MPP7: variants seen among roughly 807,000 people sequenced by gnomAD.
The protein encoded by MPP7 is MAGUK p55 scaffold protein 7.
A neutral mutation model predicts 76.5 loss-of-function variants in MPP7; 60 were observed. That is an observed-to-expected ratio of 0.78 (90% CI 0.64 to 0.97). The LOEUF (loss-of-function observed/expected upper bound fraction) is 0.97. Among genes scored for constraint, MPP7 ranks in the 50% least tolerant of loss-of-function variants. The probability of loss-of-function intolerance (pLI) is 0.00; values close to 1 mark genes in which losing one functional copy is unlikely to be tolerated. For synonymous variants in MPP7, 237 were observed against 244.5 expected, an observed-to-expected ratio of 0.97 and a Z score of 0.29; for missense variants, 641 against 694.0, an observed-to-expected ratio of 0.92 and a Z score of 0.86.
At chr10:28,119,809 AGGTT>A in intron 10 of MPP7, 94 bp from the exon 11 acceptor site, 1 of 1,002,110 alleles carries the variant, frequency 1.0e-6, no homozygotes, top group Admixed American at 2.4e-5. Flanking sequence ...AAAAACTTAA[AGGTT>A]AGAGAAAAAA....
chr10:28,078,653 T>A (rs990978899), intron 12 of MPP7, among the ~76,000 whole-genome samples: 1 of 152,196 alleles, frequency 6.6e-6, no homozygotes, highest in Non-Finnish European at 1.5e-5. Context: ...TAAAACCATG[T>A]TGGAAAGGAA....
intron 4 of MPP7, among the ~76,000 whole-genome samples, chr10:28,148,748 A>G (rs1044577363): frequency 2.0e-5 from 3 of 152,160 alleles, no homozygotes; most frequent in Non-Finnish European, 4.4e-5. Context: ...ATTATAAGAT[A>G]CTATGGTTTA....
chr10:28,063,899 G>A (rs73606038), intron 13 of MPP7, among the ~76,000 whole-genome samples: 2,138 of 152,198 alleles, frequency 0.014, 63 homozygotes, highest in African/African-American at 0.048. Context: ...ATACCACTAC[G>A]TACTTACTAC....
intron 5 of MPP7, among the ~76,000 whole-genome samples, chr10:28,137,695 C>T (rs1323103794): frequency 2.6e-5 from 4 of 152,066 alleles, no homozygotes; most frequent in Non-Finnish European, 4.4e-5. Context: ...CCTGTTTTAA[C>T]TGAGGTGATT....
intron 5 of MPP7, among the ~76,000 whole-genome samples, chr10:28,141,994 C>T (rs1835535966): frequency 6.6e-6 from 1 of 151,690 alleles, no homozygotes; most frequent in Non-Finnish European, 1.5e-5. Context: ...AAACTAGAAC[C>T]ACATCTTATA....
rs532575633 is a variant in MPP7, at chr10:28,154,499, T to C, written c.157-4440A>G. Among the ~76,000 whole-genome samples, 99 of 152,282 alleles carry C rather than the reference T, an allele frequency of 6.5e-4. No individual in the cohort carries two copies. The Middle Eastern group carries it at 0.02, about 31-fold the overall frequency. On this transcript the variant is annotated intron_variant, in intron 3 of 16. Coordinates refer to ENST00000683449, the MANE Select transcript of MPP7 (RefSeq NM_001318170.2). Reference sequence around the variant, plus strand: ...TCTCTACACAGATGCATAATTCTTATAAGGAACATGTCTATAAAGTCTACA... The same window carrying C: ...TCTCTACACAGATGCATAATTCTTACAAGGAACATGTCTATAAAGTCTACA...
chr10:28,168,186 G>GATCA lies in MPP7; in HGVS notation c.157-18131_157-18128dup, dbSNP rs202172437. Among the ~76,000 whole-genome samples, 814 of 152,110 alleles carry GATCA rather than the reference G, an allele frequency of 5.4e-3. 7 individuals carry two copies. Among genetic ancestry groups the GATCA allele is most frequent in the African/African-American group, 0.018 (764 of 41,482 alleles). On this transcript the variant is annotated intron_variant, in intron 3 of 16. Transcript: ENST00000683449. ...GTAGGCGGAGGCTGCAGTGAACCTA[G>GATCA]ATCACACCACTGCACTCCAGCCTGG...
chr10:28,182,950 T>C (rs544056342), intron 3 of MPP7, among the ~76,000 whole-genome samples: 1 of 152,258 alleles, frequency 6.6e-6, no homozygotes, highest in South Asian at 2.1e-4. Context: ...TGATGGCGCA[T>C]GCCTATAATC....
chr10:28,185,817 C>T (rs1370524019), intron 3 of MPP7, among the ~76,000 whole-genome samples: 1 of 152,154 alleles, frequency 6.6e-6, no homozygotes, highest in Non-Finnish European at 1.5e-5. Context: ...GGCCTCCAAG[C>T]CAGCCCACAA....
chr10:28,158,957 G>C (rs994277313), intron 3 of MPP7, among the ~76,000 whole-genome samples: 1 of 152,064 alleles, frequency 6.6e-6, no homozygotes, highest in Non-Finnish European at 1.5e-5. Flanking sequence ...AAGGGTATTG[G>C]GGGAGTAGGG....
At chr10:28,145,507 T>C (rs1211289707) in intron 5 of MPP7, among the ~76,000 whole-genome samples, 3 of 152,186 alleles carry the variant, frequency 2.0e-5, no homozygotes, top group Non-Finnish European at 4.4e-5. Context: ...TATCCTGAAA[T>C]AGTCTAAAAT....
intron 11 of MPP7, among the ~76,000 whole-genome samples, chr10:28,099,059 G>T (rs1468569663): frequency 6.6e-6 from 1 of 152,078 alleles, no homozygotes; most frequent in Non-Finnish European, 1.5e-5. Flanking sequence ...ACCTATATTT[G>T]TAATTTTAAT....
At chr10:28,174,090 C>T (rs1173107260) in intron 3 of MPP7, among the ~76,000 whole-genome samples, 3 of 152,180 alleles carry the variant, frequency 2.0e-5, no homozygotes, top group Non-Finnish European at 4.4e-5. Flanking sequence ...CACTACAGCC[C>T]CCAAAGTGGC....
chr10:28,185,460 T>G (rs892364982), intron 3 of MPP7, among the ~76,000 whole-genome samples: 1 of 151,828 alleles, frequency 6.6e-6, no homozygotes, highest in African/African-American at 2.4e-5. Context: ...CACAAAAGGG[T>G]GAATAGACAG....
chr10:28,212,734 G>A (rs1342473225), intron 2 of MPP7, among the ~76,000 whole-genome samples: 2 of 152,168 alleles, frequency 1.3e-5, no homozygotes, highest in African/African-American at 2.4e-5. Flanking sequence ...CCTAGAAAGA[G>A]AGTGTCAAGG....
intron 2 of MPP7, among the ~76,000 whole-genome samples, chr10:28,308,158 C>A (rs1231606949): frequency 9.1e-6 from 1 of 109,886 alleles, no homozygotes; most frequent in Non-Finnish European, 1.9e-5. Flanking sequence ...TAAACTCCTT[C>A]AGCCCAGCTG....
chr10:28,230,549 C>T (rs1838845461), intron 2 of MPP7, among the ~76,000 whole-genome samples: 1 of 152,180 alleles, frequency 6.6e-6, no homozygotes, highest in African/African-American at 2.4e-5. Context: ...CGCAGTGGCT[C>T]ACGCCTGTAA....
intron 1 of MPP7, among the ~76,000 whole-genome samples, chr10:28,283,503 T>C (rs1054111216): frequency 1.3e-5 from 2 of 151,976 alleles, no homozygotes; most frequent in Non-Finnish European, 2.9e-5. Flanking sequence ...TACCACTCTA[T>C]TAAAACATTC....
intron 2 of MPP7, among the ~76,000 whole-genome samples, chr10:28,310,872 C>T (rs1841286080): frequency 6.6e-6 from 1 of 152,166 alleles, no homozygotes; most frequent in Admixed American, 6.5e-5. Flanking sequence ...GGTGCAAAAG[C>T]AATTGCGGGT....
Sources: allele counts gnomAD v4.1 joint callset (sites outside exome capture counted in the v4.1 genomes callset), GRCh38; gene constraint gnomAD v4.1.1; transcripts MANE v1.5; gene names NCBI Gene and HGNC (gene_info 2026-07-23, HGNC 2026-07-21).